RNASEH2B: variants seen among roughly 807,000 people sequenced by gnomAD.
RNASEH2B encodes the protein Aicardi-Goutieres syndrome 2 protein.
RNASEH2B carries 36 observed loss-of-function variants against 45.0 expected under a neutral mutation model. The ratio of observed to expected loss-of-function variants is 0.80; its 90% CI spans 0.61 to 1.06. RNASEH2B has a LOEUF of 1.06. Among genes scored for constraint, RNASEH2B ranks in the 50% least tolerant of loss-of-function variants. The probability of loss-of-function intolerance (pLI) is 0.00; values close to 1 mark genes in which losing one functional copy is unlikely to be tolerated. For synonymous variants in RNASEH2B, 119 were observed against 125.7 expected (o/e 0.95, Z 0.35); for missense variants, 361 against 360.3 (o/e 1.00, Z -0.02).
chr13:50,930,781 T>A (rs1194518658), intron 4 of RNASEH2B, 22 bp downstream of exon 4: 2 of 1,562,070 alleles, frequency 1.3e-6, no homozygotes, highest in Admixed American at 1.7e-5. Flanking sequence ...GCTCGGAGCA[T>A]CCACAGTGAG....
chr13:50,943,155 TAACATTTAAA>T, intron 5 of RNASEH2B, 156 bp from the exon 6 acceptor site: 1 of 592,000 alleles, frequency 1.7e-6, no homozygotes, highest in Non-Finnish European at 3.0e-6. Flanking sequence ...ACATTACTAC[TAACATTTAAA>T]AAAACATTTC....
downstream of RNASEH2B, among the ~76,000 whole-genome samples, chr13:50,958,004 C>T (rs1350750823): frequency 1.3e-5 from 2 of 152,046 alleles, no homozygotes; most frequent in African/African-American, 4.8e-5. Context: ...GGATGTTAGT[C>T]TTTTGTCAGT....
At chr13:50,965,722 G>A in intron 9 of RNASEH2B, among the ~76,000 whole-genome samples, 1 of 152,174 alleles carries the variant, frequency 6.6e-6, no homozygotes, top group Non-Finnish European at 1.5e-5. Context: ...TGTTAATGTT[G>A]CTGGTAATAA....
downstream of RNASEH2B, among the ~76,000 whole-genome samples, chr13:50,960,781 G>A (rs529761764): frequency 5.2e-4 from 79 of 152,300 alleles, no homozygotes; most frequent in African/African-American, 1.8e-3. Context: ...AGGCTTTAGC[G>A]TTAGAATTAG....
intron 1 of RNASEH2B, chr13:50,915,560 C>G: frequency 7.5e-6 from 3 of 398,394 alleles, no homozygotes; most frequent in East Asian, 3.6e-5. Flanking sequence ...GTATTGAACA[C>G]CTAATACATG....
At chr13:50,960,131 C>A, downstream of RNASEH2B, 4 of 1,122,934 alleles carry the variant, frequency 3.6e-6, no homozygotes, top group Non-Finnish European at 4.5e-6. Flanking sequence ...TTAATGAAAT[C>A]TGTTTTTTTC....
intron 9 of RNASEH2B, chr13:50,953,114 AGT>A (rs1951997594): frequency 6.6e-6 from 1 of 152,230 alleles, no homozygotes; most frequent in African/African-American, 2.4e-5. Context: ...ATCACCATGC[AGT>A]CAATTCTCCA....
intron 5 of RNASEH2B, among the ~76,000 whole-genome samples, chr13:50,939,432 A>T (rs888085397): frequency 3.3e-5 from 5 of 152,278 alleles, no homozygotes; most frequent in Non-Finnish European, 4.4e-5. Context: ...AGGAGGAAAG[A>T]TCACTTGAGC....
At chr13:50,928,511 A>G (rs1489641662) in intron 2 of RNASEH2B, 3 of 152,264 alleles carry the variant, frequency 2.0e-5, no homozygotes, top group Non-Finnish European at 2.9e-5. Flanking sequence ...AAGTACAGGT[A>G]CAGAAGAAAG....
At chr13:50,924,356 A>G (rs1270969821) in intron 1 of RNASEH2B, among the ~76,000 whole-genome samples, 1 of 152,222 alleles carries the variant, frequency 6.6e-6, no homozygotes, top group Non-Finnish European at 1.5e-5. Flanking sequence ...AAAGATATAC[A>G]ATACAAACAG....
intron 9 of RNASEH2B, chr13:50,952,204 T>C (rs1244838408): frequency 6.6e-6 from 1 of 152,228 alleles, no homozygotes; most frequent in South Asian, 2.1e-4. Flanking sequence ...TAAGTGTTTA[T>C]AATGACATCT....
intron 9 of RNASEH2B, chr13:50,950,642 G>A (rs1951964985): frequency 6.6e-6 from 1 of 152,164 alleles, no homozygotes; most frequent in Admixed American, 6.5e-5. Context: ...TAGGTTCTCA[G>A]CGTGCTTCTT....
intron 5 of RNASEH2B, chr13:50,938,480 A>G (rs1951787985): frequency 6.6e-6 from 1 of 151,916 alleles, no homozygotes; most frequent in African/African-American, 2.4e-5. Context: ...GTAAAGCAGC[A>G]GAAGCAGCAG....
At chr13:50,954,275 A>G (rs1593480312) in intron 10 of RNASEH2B, 1 of 527,808 alleles carries the variant, frequency 1.9e-6, no homozygotes, top group Non-Finnish European at 3.3e-6. Flanking sequence ...AGGAAGCTCT[A>G]CAGGTAATTT....
chr13:50,913,683 C>T (rs970122172), intron 1 of RNASEH2B, among the ~76,000 whole-genome samples: 3 of 152,122 alleles, frequency 2.0e-5, no homozygotes, highest in South Asian at 2.1e-4. Flanking sequence ...CATGAATATA[C>T]ATGTTAAAAA....
At chr13:50,939,426 G>C (rs933862131) in intron 5 of RNASEH2B, among the ~76,000 whole-genome samples, 1 of 152,044 alleles carries the variant, frequency 6.6e-6, no homozygotes, top group Non-Finnish European at 1.5e-5. Context: ...AGGCTGAGGA[G>C]GAAAGATCAC....
At chr13:50,919,240 C>T (rs1291760382) in intron 1 of RNASEH2B, among the ~76,000 whole-genome samples, 2 of 152,358 alleles carry the variant, frequency 1.3e-5, no homozygotes, top group South Asian at 2.1e-4. Flanking sequence ...ACCAACTGTA[C>T]AACAACCTGT....
At chr13:50,969,609 C>G (rs973933730) in intron 9 of RNASEH2B, among the ~76,000 whole-genome samples, 1 of 150,688 alleles carries the variant, frequency 6.6e-6, no homozygotes. Context: ...ATTTTTTTTC[C>G]TATAAGATGG....
rs978974456 is a variant in RNASEH2B, at chr13:50,926,008, A to G, written c.65-1399A>G. Reference sequence around the variant, plus strand: ...ATTTGTTTACCATCTCTCAGGGACTACGGTCCTGCATGGCTTGTGTGCAGT... The same window carrying G: ...ATTTGTTTACCATCTCTCAGGGACTGCGGTCCTGCATGGCTTGTGTGCAGT... On this transcript the variant is annotated intron_variant, in intron 1 of 10. Coordinates refer to ENST00000336617, the MANE Select transcript of RNASEH2B (RefSeq NM_024570.4). 3.3e-5 allele frequency among the ~76,000 whole-genome samples: 5 copies of G among 152,180 alleles called. No individual in the cohort carries two copies. The South Asian group carries it at 1.0e-3, about 31-fold the overall frequency.
Sources: gnomAD v4.1 joint callset for allele counts (sites outside exome capture counted in the v4.1 genomes callset) on GRCh38, gnomAD v4.1.1 for gene constraint, MANE v1.5 for transcripts, NCBI Gene and HGNC (gene_info 2026-07-23, HGNC 2026-07-21) for gene names.